FOXM1: variants seen among roughly 807,000 people sequenced by gnomAD.
FOXM1 encodes the protein forkhead box M1.
In FOXM1, 25 loss-of-function variants were observed where a neutral mutation model predicts 63.6. The observed-to-expected ratio is 0.39, with a 90% CI of 0.29 to 0.55. The LOEUF is 0.55. FOXM1 is among the 20% of genes least tolerant of loss of function. The pLI is 0.60. For missense variants in FOXM1, 879 were observed against 958.7 expected (o/e 0.92, Z 1.10); for synonymous variants, 387 against 376.9 (o/e 1.03, Z -0.31).
intron 8 of FOXM1, among the ~76,000 whole-genome samples, chr12:2,860,751 A>T (rs543874639): frequency 6.6e-6 from 1 of 152,056 alleles, no homozygotes; most frequent in East Asian, 1.9e-4. Context: ...ATGCACCTGT[A>T]ATCCCAGCTA....
intron 3 of FOXM1, 52 bp from the exon 4 acceptor site, chr12:2,868,806 C>T (rs902110437): frequency 4.2e-6 from 6 of 1,442,830 alleles, no homozygotes; most frequent in Non-Finnish European, 5.7e-6. Context: ...AGAAGCACCC[C>T]CAACCCAAGC....
rs1242479607 is a variant in FOXM1, at chr12:2,874,346, C to G, written c.133G>C (p.Glu45Gln). The G allele has an allele frequency of 1.9e-6, 3 of 1,614,028 alleles. No individual in the cohort carries two copies. Among genetic ancestry groups the G allele is most frequent in the Non-Finnish European group, 2.5e-6 (3 of 1,180,032 alleles). ...SPAQQESNQA[E>Q]ASKEVAESNS... is the part of the protein sequence containing the mutation. ...GACTCTGCCACTTCCTTGGAGGCCT[C>G]TGCTTGATTAGACTCCTGTTGGGCA... Residue 45 changes from glutamate to glutamine, a missense_variant, in exon 2 of 9, where the codon GAG becomes CAG. This residue lies in a region of FOXM1 where 255 missense variants were observed against 292.4 expected (regional missense o/e 0.87). Coordinates refer to ENST00000359843, the MANE Select transcript of FOXM1 (RefSeq NM_021953.4). The surrounding 1 kb of genome is among the most constrained non-coding windows in gnomAD (Gnocchi z 4.3).
At position 2,874,395 on chromosome 12, in the gene FOXM1, T is replaced by C; in HGVS notation, c.84A>G (p.Ser28=). 1.2e-6 allele frequency: 2 copies of C among 1,614,138 alleles called. No homozygotes were observed. The highest frequency in any genetic ancestry group is 1.1e-5 in the South Asian group (1 of 91,080). ...CAGGGGATCTCTTAGGTTCCTCCTC[T>C]GATGTTTCACTTGGGGCATTTTGAA... ...LPVQNAPSET[S]EEEPKRSPAQ... Residue 28 remains serine, a synonymous_variant, in exon 2 of 9, where the codon TCA becomes TCG. Coordinates refer to ENST00000359843, the MANE Select transcript of FOXM1 (RefSeq NM_021953.4). This position sits in a 1 kb window ranked among gnomAD's most constrained non-coding sequence, Gnocchi z 4.3.
At position 2,874,621 on chromosome 12, in the gene FOXM1, A is replaced by G. The variant is rs893216190; in HGVS notation, c.-47-96T>C. ...TGCTCCTCTTTATATGACCAGGAACATGAGCCTAAAGGCCCAGGTAAACAT... is the reference window on the plus strand; with the variant it reads ...TGCTCCTCTTTATATGACCAGGAACGTGAGCCTAAAGGCCCAGGTAAACAT... On this transcript the variant is annotated intron_variant, in intron 1 of 8. Coordinates refer to ENST00000359843, the MANE Select transcript of FOXM1 (RefSeq NM_021953.4). This position sits in a 1 kb window ranked among gnomAD's most constrained non-coding sequence, Gnocchi z 4.3. 135 of 826,666 alleles carry G rather than the reference A, an allele frequency of 1.6e-4. 2 individuals are homozygous for G. The highest frequency in any genetic ancestry group is 9.0e-5 in the Non-Finnish European group (47 of 524,260). 51.2% of individuals were successfully genotyped at this position (826,666 alleles called of 1,614,324 possible). A position where few individuals can be genotyped will look rare whatever the true frequency, so the allele number is the denominator to read the frequency against.
rs2098127467 is a variant in FOXM1 at position 2,868,459 on chromosome 12, G to A, written c.846+104C>T. The A allele has an allele frequency of 4.0e-6, 3 of 758,150 alleles. No homozygotes were observed. In the East Asian group the frequency reaches 8.0e-5, roughly 20 times the overall value. The allele number at this position is 758,150 out of a possible 1,614,324, so 47.0% of individuals were successfully genotyped here. ...AGATACATTTGTTTATCATTCTAGT[G>A]TCCTTTGCACTTAACTGCTGTCCCA... On this transcript the variant is annotated intron_variant, in intron 4 of 8. Coordinates refer to ENST00000359843, the MANE Select transcript of FOXM1 (RefSeq NM_021953.4).
chr12:2,872,175 G>C lies in FOXM1; in HGVS notation c.575C>G (p.Ser192Cys), dbSNP rs551996961. The change falls in exon 3 of 9, where the codon TCT becomes TGT. Residue 192 changes from serine (S) to cysteine (C), a missense_variant. Physicochemically the swap from Ser to Cys is moderately radical, Grantham distance 112 (BLOSUM62 -1). This residue lies in a region of FOXM1 where 255 missense variants were observed against 292.4 expected (regional missense o/e 0.87). Transcript: ENST00000359843. This position sits in a 1 kb window ranked among gnomAD's most constrained non-coding sequence, Gnocchi z 4.0. Reference sequence around the variant, plus strand: ...GATGCTGCGGGAGCCCAGTCCATCAGAACTCATCTTTCGAAGCCACTGGAT... The same window carrying C: ...GATGCTGCGGGAGCCCAGTCCATCACAACTCATCTTTCGAAGCCACTGGAT... The part of the protein sequence containing the change: ...SNIQWLRKMS[S>C]DGLGSRSIKQ... 6.2e-7 allele frequency: 1 copy of C among 1,614,174 alleles called. No homozygotes were observed. The highest frequency in any genetic ancestry group is 2.2e-5 in the East Asian group (1 of 44,886).
At chr12:2,863,401 T>C (rs1324683621) in intron 8 of FOXM1, among the ~76,000 whole-genome samples, 1 of 152,164 alleles carries the variant, frequency 6.6e-6, no homozygotes, top group African/African-American at 2.4e-5. Context: ...TTTTTTCTTT[T>C]CTTTTTTGAG....
chr12:2,862,457 G>A (rs556430844), intron 8 of FOXM1, among the ~76,000 whole-genome samples: 21 of 152,108 alleles, frequency 1.4e-4, no homozygotes, highest in East Asian at 3.9e-4. Context: ...CACATGCTAC[G>A]GCCACATGAA....
At position 2,869,414 on chromosome 12, in the gene FOXM1, C is replaced by A. The variant is rs374733979; in HGVS notation, c.655-660G>T. ...GCCTCCAAGTAGCTGGGACTACAGGCATACACCACCACGCCCAGCTAATTT... is the reference window on the plus strand; with the variant it reads ...GCCTCCAAGTAGCTGGGACTACAGGAATACACCACCACGCCCAGCTAATTT... On this transcript the variant is annotated intron_variant, in intron 3 of 8. Coordinates refer to ENST00000359843, the MANE Select transcript of FOXM1 (RefSeq NM_021953.4). 1.8e-4 allele frequency among the ~76,000 whole-genome samples: 28 copies of A among 151,922 alleles called. No homozygotes were observed. In the South Asian group the frequency reaches 5.2e-3, roughly 28 times the overall value.
intron 8 of FOXM1, among the ~76,000 whole-genome samples, chr12:2,861,606 T>C (rs2098113476): frequency 6.6e-6 from 1 of 152,188 alleles, no homozygotes; most frequent in Non-Finnish European, 1.5e-5. Flanking sequence ...AATCTAGCAA[T>C]ATTTAGTAGA....
chr12:2,875,238 C>T (rs914224086), intron 1 of FOXM1, among the ~76,000 whole-genome samples: 1 of 152,160 alleles, frequency 6.6e-6, no homozygotes, highest in Non-Finnish European at 1.5e-5. Context: ...GGTCATCTGC[C>T]CGCCTCGGCC....
chr12:2,865,802 G>A (rs1357800422), intron 5 of FOXM1, among the ~76,000 whole-genome samples: 8 of 152,040 alleles, frequency 5.3e-5, no homozygotes, highest in South Asian at 4.1e-4. Flanking sequence ...ACAGGCATGC[G>A]CCACCACACC....
In FOXM1 at chr12:2,864,328, C is replaced by T; in HGVS notation, c.1258G>A (p.Ala420Thr). 6.2e-7 allele frequency: 1 copy of T among 1,611,176 alleles called. No homozygotes were observed. The highest frequency in any genetic ancestry group is 8.5e-7 in the Non-Finnish European group (1 of 1,178,290). Residue 420 changes from alanine (A) to threonine (T), a missense_variant, in exon 8 of 9, where the codon GCC (alanine) becomes ACC (threonine). Ala to Thr is a moderately conservative substitution (Grantham distance 58, BLOSUM62 0). Around this residue, in one of 4 missense-constraint regions of FOXM1, gnomAD observed 486 missense variants for 453.5 expected, o/e 1.07. Coordinates refer to ENST00000359843, the MANE Select transcript of FOXM1 (RefSeq NM_021953.4). This position sits in a 1 kb window ranked among gnomAD's most constrained non-coding sequence, Gnocchi z 5.1. ...LARHSKRVRI[A>T]PKVLLAEEGI... The stretch of plus-strand genomic sequence containing the variant: ...GAAAATAGGACACCCACCTTGGGGG[C>T]AATGCGGACTCGCTTGCTATGGCGG...
intron 8 of FOXM1, among the ~76,000 whole-genome samples, chr12:2,862,201 G>C (rs1324527827): frequency 6.8e-6 from 1 of 147,424 alleles, no homozygotes. Context: ...AAAAAAAAGA[G>C]ACATGTAGAG....
Position 2,874,912 on chromosome 12 carries a change from G to C in FOXM1, c.-47-387C>G, listed in dbSNP as rs970322625. ...GTATGGACAGAAATGGAAGATGCTA[G>C]AATAGGAAAGCATATGGTAATTAGG... On this transcript the variant is annotated intron_variant, in intron 1 of 8. Transcript: ENST00000359843. The surrounding 1 kb of genome is among the most constrained non-coding windows in gnomAD (Gnocchi z 4.3). Among the ~76,000 whole-genome samples, 1 of 151,608 alleles carries C rather than the reference G, an allele frequency of 6.6e-6. No individual in the cohort carries two copies. Among genetic ancestry groups the C allele is most frequent in the South Asian group, 2.1e-4 (1 of 4,812 alleles).
intron 4 of FOXM1, among the ~76,000 whole-genome samples, chr12:2,867,559 A>G (rs193077194): frequency 0.042 from 6,162 of 147,120 alleles, 405 homozygotes; most frequent in African/African-American, 0.14. Flanking sequence ...CTACTCGGGA[A>G]GCTGAGGCAG....
chr12:2,869,978 C>T (rs1468810076), intron 3 of FOXM1, among the ~76,000 whole-genome samples: 1 of 151,368 alleles, frequency 6.6e-6, no homozygotes, highest in Non-Finnish European at 1.5e-5. Flanking sequence ...CATATACACG[C>T]ATGTAAATTT....
At chr12:2,875,253 A>G (rs2098140567) in intron 1 of FOXM1, among the ~76,000 whole-genome samples, 1 of 152,144 alleles carries the variant, frequency 6.6e-6, no homozygotes, top group Non-Finnish European at 1.5e-5. Context: ...TCGGCCTCCC[A>G]AAGTGCTGGG....
At chr12:2,863,706 TCTTTC>T (rs2098118110) in intron 8 of FOXM1, 3 of 150,090 alleles carry the variant, frequency 2.0e-5, no homozygotes, top group Admixed American at 2.0e-4. Context: ...CAAATCCACT[TCTTTC>T]TTTTCTTTTT....
Sources: gnomAD v4.1 joint callset for allele counts (sites outside exome capture counted in the v4.1 genomes callset) on GRCh38, gnomAD v4.1.1 for gene constraint, gnomAD v4.1.1 regional missense constraint, Gnocchi (gnomAD v3.1) non-coding constraint, MANE v1.5 for transcripts, NCBI Gene and HGNC (gene_info 2026-07-23, HGNC 2026-07-21) for gene names.